The following CAAP1 variants were observed in gnomAD, a reference collection of about 807,000 sequenced individuals.
The protein encoded by CAAP1 is conserved anti-apoptotic protein.
In CAAP1, 20 loss-of-function variants were observed where a neutral mutation model predicts 34.0. The observed-to-expected ratio is 0.59, with a 90% CI of 0.41 to 0.86. The LOEUF is 0.86. Among genes scored for constraint, CAAP1 ranks in the 40% least tolerant of loss-of-function variants. The pLI is 0.00. For missense variants in CAAP1, 538 were observed against 450.5 expected, an observed-to-expected ratio of 1.19 and a Z score of -1.76; for synonymous variants, 213 against 166.7, an observed-to-expected ratio of 1.28 and a Z score of -2.14.
intron 4 of CAAP1, chr9:26,870,021 C>A: frequency 3.8e-4 from 210 of 553,042 alleles, no homozygotes; most frequent in Middle Eastern, 9.6e-4. Flanking sequence ...AGTTAGGTTT[C>A]TGTAATAGAA....
chr9:26,878,397 C>A (rs1019784140), intron 4 of CAAP1, among the ~76,000 whole-genome samples: 4 of 152,168 alleles, frequency 2.6e-5, no homozygotes, highest in Admixed American at 6.5e-5. Flanking sequence ...TACTCCAAAA[C>A]TGGCAGAAAG....
rs1233077364 is a variant in CAAP1, at chr9:26,892,663, T to C, written c.53A>G (p.Glu18Gly). The change falls in exon 1 of 6, where the codon GAG becomes GGG. Residue 18 changes from glutamate to glycine, a missense_variant. Physicochemically the swap from Glu to Gly is moderately conservative, Grantham distance 98 (BLOSUM62 -2). This residue lies in a region of CAAP1 where 514 missense variants were observed against 408.4 expected (regional missense o/e 1.26). Coordinates refer to ENST00000333916, the MANE Select transcript of CAAP1 (RefSeq NM_024828.4). ...CGGGGCCGCGAGCGCTGCGGCCGCC[T>C]CCTGACTGCTACGTTTGCGCCGTTT... is the stretch of plus-strand genomic sequence containing the variant. ...REKRRKRSSQ[E>G]AAAALAAPDI... is the part of the protein sequence containing the mutation. 1.2e-6 allele frequency: 2 copies of C among 1,607,046 alleles called. No homozygotes were observed. Among genetic ancestry groups the C allele is most frequent in the Non-Finnish European group, 1.7e-6 (2 of 1,179,100 alleles).
chr9:26,878,848 C>T (rs1334971886), intron 4 of CAAP1, among the ~76,000 whole-genome samples: 1 of 152,030 alleles, frequency 6.6e-6, no homozygotes, highest in African/African-American at 2.4e-5. Flanking sequence ...CCTCTAGGAT[C>T]TTCAATGCAA....
At chr9:26,864,831 T>A (rs978200178) in intron 4 of CAAP1, among the ~76,000 whole-genome samples, 2 of 152,244 alleles carry the variant, frequency 1.3e-5, no homozygotes, top group African/African-American at 2.4e-5. Flanking sequence ...TGGAATGCTA[T>A]CTACCATTTT....
Position 26,842,703 on chromosome 9 carries a change from T to C in CAAP1, c.740-56A>G, listed in dbSNP as rs1438976996. 2.1e-6 allele frequency: 3 copies of C among 1,396,270 alleles called. No homozygotes were observed. The Admixed American group carries it at 6.7e-5, about 31-fold the overall frequency. 86.5% of individuals were successfully genotyped at this position (1,396,270 alleles called of 1,614,324 possible). On this transcript the variant is annotated intron_variant, in intron 5 of 5. Transcript: ENST00000333916. ...AACCTAAATACCATGGGTCACAATT[T>C]CCTTACTGTTTATAATTTAAAAACT...
intron 4 of CAAP1, chr9:26,880,408 C>T: frequency 7.1e-6 from 2 of 280,304 alleles, no homozygotes; most frequent in Non-Finnish European, 1.5e-5. Context: ...TCATGGAGTG[C>T]CACAGTACCA....
At chr9:26,854,651 CAT>C (rs1347005016) in intron 5 of CAAP1, among the ~76,000 whole-genome samples, 1 of 152,140 alleles carries the variant, frequency 6.6e-6, no homozygotes, top group African/African-American at 2.4e-5. Context: ...ATCTGCAAAA[CAT>C]ATGTGACAAA....
chr9:26,848,441 G>A (rs1393664416), intron 5 of CAAP1, among the ~76,000 whole-genome samples: 7 of 152,192 alleles, frequency 4.6e-5, no homozygotes, highest in African/African-American at 7.2e-5. Context: ...GCGTGAACCC[G>A]GGAGGCGGAG....
intron 4 of CAAP1, among the ~76,000 whole-genome samples, chr9:26,866,475 C>T (rs1048622544): frequency 6.6e-6 from 1 of 152,168 alleles, no homozygotes; most frequent in Non-Finnish European, 1.5e-5. Flanking sequence ...AAAGGACAGA[C>T]TTACTCTCAC....
intron 1 of CAAP1, among the ~76,000 whole-genome samples, chr9:26,888,276 T>G (rs1823803381): frequency 1.3e-5 from 2 of 152,242 alleles, no homozygotes; most frequent in African/African-American, 4.8e-5. Flanking sequence ...ATGGCCTACC[T>G]GGCCTTCATG....
At chr9:26,862,536 C>A (rs1823026019) in intron 4 of CAAP1, among the ~76,000 whole-genome samples, 1 of 151,956 alleles carries the variant, frequency 6.6e-6, no homozygotes, top group Non-Finnish European at 1.5e-5. Flanking sequence ...AATATATAAC[C>A]TGTATTATGA....
In CAAP1 at chr9:26,892,513, C is replaced by T. The variant is rs1482563381; in HGVS notation, c.203G>A (p.Gly68Glu). The change falls in exon 1 of 6, where the codon GGG becomes GAG. Residue 68 changes from glycine (G) to glutamate (E), a missense_variant. Gly to Glu is a moderately conservative substitution (Grantham distance 98). Transcript: ENST00000333916. The stretch of plus-strand genomic sequence containing the variant: ...CCCGCCCCAACAGCTGCCGCCGCTC[C>T]CACCGCCGGTGACACTTCCACTAAA... ...ANFSGSVTGG[G>E]SGGSCWGGSS... 7 of 1,570,184 alleles carry T rather than the reference C, an allele frequency of 4.5e-6. No individual in the cohort carries two copies. Among genetic ancestry groups the T allele is most frequent in the Non-Finnish European group, 6.0e-6 (7 of 1,157,598 alleles).
chr9:26,872,220 A>C (rs1301892780), intron 4 of CAAP1, among the ~76,000 whole-genome samples: 1 of 152,138 alleles, frequency 6.6e-6, no homozygotes, highest in Non-Finnish European at 1.5e-5. Context: ...AACCTCCTAC[A>C]TTTATGCACT....
chr9:26,852,885 G>C (rs963523435), intron 5 of CAAP1, among the ~76,000 whole-genome samples: 2 of 152,188 alleles, frequency 1.3e-5, no homozygotes, highest in African/African-American at 4.8e-5. Flanking sequence ...GACCCATATG[G>C]TTATCTGAGG....
Position 26,885,265 on chromosome 9 carries a change from C to T in CAAP1, c.590-380G>A, listed in dbSNP as rs573995121. Among the ~76,000 whole-genome samples, 14 of 151,634 alleles carry T rather than the reference C, an allele frequency of 9.2e-5. No individual in the cohort carries two copies. In the South Asian group the frequency reaches 2.7e-3, roughly 29 times the overall value. On this transcript the variant is annotated intron_variant, in intron 3 of 5. Transcript: ENST00000333916. ...CTAATTTTTGTATTTTTAGTAGAGA[C>T]GGGGTTTCACTATGTTGGCCAAGCT...
At chr9:26,867,824 T>G (rs1823174132) in intron 4 of CAAP1, among the ~76,000 whole-genome samples, 1 of 152,160 alleles carries the variant, frequency 6.6e-6, no homozygotes, top group Non-Finnish European at 1.5e-5. Context: ...TCCTTTCTAA[T>G]TCTGTTTTAA....
At chr9:26,856,495 A>C (rs1822873144) in intron 5 of CAAP1, among the ~76,000 whole-genome samples, 1 of 152,238 alleles carries the variant, frequency 6.6e-6, no homozygotes, top group Non-Finnish European at 1.5e-5. Flanking sequence ...CTAAGTACAA[A>C]CAATGCACTA....
At chr9:26,886,953 C>A (rs1322500965) in intron 2 of CAAP1, among the ~76,000 whole-genome samples, 1 of 152,180 alleles carries the variant, frequency 6.6e-6, no homozygotes, top group African/African-American at 2.4e-5. Context: ...CGGTGGCTCA[C>A]ACCTGTAATT....
intron 1 of CAAP1, 68 bp downstream of exon 1, chr9:26,892,345 C>G (rs1199610843): frequency 1.0e-5 from 16 of 1,578,718 alleles, no homozygotes; most frequent in Non-Finnish European, 1.4e-5. Context: ...CGCCCCATCC[C>G]TCTGGAAGCC....
Sources: gnomAD v4.1 joint callset for allele counts (sites outside exome capture counted in the v4.1 genomes callset) on GRCh38, gnomAD v4.1.1 for gene constraint, gnomAD v4.1.1 regional missense constraint, MANE v1.5 for transcripts, NCBI Gene and HGNC (gene_info 2026-07-23, HGNC 2026-07-21) for gene names.